Variants in NIN observed in about 807,000 individuals in gnomAD.
NIN encodes glycogen synthase kinase 3 beta-interacting protein.
NIN carries 137 observed loss-of-function variants against 257.6 expected under a neutral mutation model. The ratio of observed to expected loss-of-function variants is 0.53; its 90% CI spans 0.46 to 0.61. The LOEUF (loss-of-function observed/expected upper bound fraction) is 0.61. Ranked by LOEUF, NIN falls within the 20% of genes least tolerant of loss-of-function variation. The pLI is 0.00. For missense variants in NIN, 2,439 were observed against 2,501.2 expected, an observed-to-expected ratio of 0.98 and a Z score of 0.53; for synonymous variants, 918 against 919.8, an observed-to-expected ratio of 1.00 and a Z score of 0.04.
intron 12 of NIN, 94 bp downstream of exon 12, chr14:50,770,294 G>T: frequency 7.8e-7 from 1 of 1,275,846 alleles, no homozygotes; most frequent in Non-Finnish European, 1.1e-6. Flanking sequence ...TTTTTGGACT[G>T]AACCCTGTGC....
intron 24 of NIN, among the ~76,000 whole-genome samples, chr14:50,743,152 T>A (rs2041370235): frequency 6.6e-6 from 1 of 151,404 alleles, no homozygotes; most frequent in African/African-American, 2.4e-5. Context: ...TAATTTTTAG[T>A]AGAGATGAGG....
intron 30 of NIN, among the ~76,000 whole-genome samples, chr14:50,724,827 T>C (rs535031725): frequency 6.6e-6 from 1 of 152,312 alleles, no homozygotes; most frequent in Admixed American, 6.5e-5. Flanking sequence ...ACTCTCAAGA[T>C]GCAGCTTCAG....
In NIN at chr14:50,745,643, T is replaced by C. The variant is rs193138484; in HGVS notation, c.5065-1278A>G. Among the ~76,000 whole-genome samples, 48 of 152,272 alleles carry C rather than the reference T, an allele frequency of 3.2e-4. No homozygotes were observed. The East Asian group carries it at 7.1e-3, about 23-fold the overall frequency. ...CAAATCTGAACAAGTCAGAAGGATA[T>C]AGGAAAATGTATTTTGAAATACCTG... On this transcript the variant is annotated intron_variant, in intron 22 of 30. Coordinates refer to ENST00000530997, the MANE Select transcript of NIN (RefSeq NM_020921.4).
At position 50,723,598 on chromosome 14, in the gene NIN, C is replaced by T. The variant is rs2040311112; in HGVS notation, c.6267G>A (p.Leu2089=). Residue 2089 remains leucine (L), a synonymous_variant, in exon 31 of 31, where the codon CTG becomes CTA. Transcript: ENST00000530997. ...TTTTCTGTCGCTGTTCAGTCACTTCCAGAGCTTTCAACAACTGGGCATTTT... is the reference window on the plus strand; with the variant it reads ...TTTTCTGTCGCTGTTCAGTCACTTCTAGAGCTTTCAACAACTGGGCATTTT... ...YVENAQLLKA[L]EVTEQRQKTA... 5.6e-6 allele frequency: 9 copies of T among 1,613,764 alleles called. No individual in the cohort carries two copies. The Admixed American group carries it at 6.7e-5, about 12-fold the overall frequency.
intron 16 of NIN, 61 bp downstream of exon 16, chr14:50,761,729 C>T: frequency 1.9e-6 from 3 of 1,592,178 alleles, no homozygotes; most frequent in South Asian, 1.1e-5. Flanking sequence ...AAATGCCCTA[C>T]ACACATAAGC....
chr14:50,771,093 C>A (rs2042712720), intron 10 of NIN, 101 bp from the exon 11 acceptor site: 2 of 1,405,564 alleles, frequency 1.4e-6, no homozygotes, highest in Non-Finnish European at 1.9e-6. Flanking sequence ...GAAGCAAAAC[C>A]AAGACAACCA....
chr14:50,785,959 T>C (rs896733970), intron 5 of NIN, among the ~76,000 whole-genome samples: 5 of 152,188 alleles, frequency 3.3e-5, no homozygotes, highest in Admixed American at 6.5e-5. Flanking sequence ...AGAATGCAAA[T>C]CAGTGCCTTT....
intron 4 of NIN, among the ~76,000 whole-genome samples, chr14:50,802,935 C>T (rs942034370): frequency 1.2e-4 from 19 of 152,210 alleles, no homozygotes; most frequent in Non-Finnish European, 4.4e-5. Flanking sequence ...ATTCACGGCC[C>T]TCTTGGTTTC....
At chr14:50,731,256 G>A (rs976346743) in intron 28 of NIN, among the ~76,000 whole-genome samples, 18 of 152,072 alleles carry the variant, frequency 1.2e-4, no homozygotes, top group Non-Finnish European at 1.9e-4. Flanking sequence ...CAGGCCAGGC[G>A]CAGTGGCTCA....
intron 3 of NIN, among the ~76,000 whole-genome samples, chr14:50,820,554 C>T (rs1050046941): frequency 1.3e-5 from 2 of 152,086 alleles, no homozygotes; most frequent in Non-Finnish European, 2.9e-5. Context: ...TTTTTTGCTA[C>T]CCACAGAGTC....
rs2042688597 is a variant in NIN at position 50,770,559 on chromosome 14, T to C, written c.1263A>G (p.Lys421=). The change falls in exon 12 of 31, where the codon AAA becomes AAG. Residue 421 remains lysine (K), a synonymous_variant. Transcript: ENST00000530997. ...TTCGCTCCTTGTACTCTTCATCCAG[T>C]TTCCTGTAACGAAGAAAAATGGACA... ...IERRNEYNLR[K]LDEEYKERIA... 6.2e-7 allele frequency: 1 copy of C among 1,612,610 alleles called. No homozygotes were observed. Among genetic ancestry groups the C allele is most frequent in the African/African-American group, 1.3e-5 (1 of 74,742 alleles).
At chr14:50,775,954 T>A (rs982396144) in intron 7 of NIN, among the ~76,000 whole-genome samples, 11 of 152,194 alleles carry the variant, frequency 7.2e-5, no homozygotes, top group Admixed American at 2.6e-4. Flanking sequence ...ACAAAAAAAA[T>A]TTTCTGTAAG....
chr14:50,797,633 C>T (rs1274349922), intron 4 of NIN, among the ~76,000 whole-genome samples: 2 of 152,136 alleles, frequency 1.3e-5, no homozygotes, highest in Non-Finnish European at 2.9e-5. Flanking sequence ...CTGAATGCAC[C>T]ATCACACAGG....
In NIN at chr14:50,790,615, G is replaced by A. The variant is rs145549630; in HGVS notation, c.435+2097C>T. Reference sequence around the variant, plus strand: ...GAAATCCAGAGAAATGACCCTCTCCGGGCCTCTATTTGCAGTTCTGCTGAT... The same window carrying A: ...GAAATCCAGAGAAATGACCCTCTCCAGGCCTCTATTTGCAGTTCTGCTGAT... On this transcript the variant is annotated intron_variant, in intron 5 of 30. Transcript: ENST00000530997. 5.4e-3 allele frequency among the ~76,000 whole-genome samples: 822 copies of A among 152,232 alleles called. 7 individuals are homozygous for A. Among genetic ancestry groups the A allele is most frequent in the African/African-American group, 0.019 (787 of 41,538 alleles).
At chr14:50,738,589 G>A (rs1162043398) in intron 26 of NIN, among the ~76,000 whole-genome samples, 1 of 152,138 alleles carries the variant, frequency 6.6e-6, no homozygotes, top group Non-Finnish European at 1.5e-5. Flanking sequence ...CAGGCACAGT[G>A]GTCCCAGGCC....
chr14:50,807,466 C>G (rs1321134341), intron 3 of NIN, among the ~76,000 whole-genome samples: 1 of 152,150 alleles, frequency 6.6e-6, no homozygotes, highest in Non-Finnish European at 1.5e-5. Context: ...ATAGTCAGAA[C>G]TAGGATATTA....
At chr14:50,808,325 C>T (rs1419555838) in intron 3 of NIN, among the ~76,000 whole-genome samples, 1 of 152,242 alleles carries the variant, frequency 6.6e-6, no homozygotes, top group Admixed American at 6.5e-5. Flanking sequence ...GCTTCCCAAC[C>T]AGCCAGTTCA....
At chr14:50,760,441 T>G in intron 16 of NIN, 82 bp from the exon 17 acceptor site, 1 of 753,852 alleles carries the variant, frequency 1.3e-6, no homozygotes, top group Non-Finnish European at 1.8e-6. Context: ...CAATTGCTTT[T>G]TTTTTTTTTT....
At position 50,768,281 on chromosome 14, in the gene NIN, C is replaced by G. The variant is rs1013923547; in HGVS notation, c.1435-1391G>C. Among the ~76,000 whole-genome samples, 6 of 152,068 alleles carry G rather than the reference C, an allele frequency of 3.9e-5. No individual in the cohort carries two copies. In the East Asian group the frequency reaches 5.8e-4, roughly 15 times the overall value. ...ACTTAGAGCATTTAAAAAATACTAC[C>G]TTCCCCTAAAATGCCAATTCTGTAA... On this transcript the variant is annotated intron_variant, in intron 12 of 30. Transcript: ENST00000530997.
Sources: allele counts gnomAD v4.1 joint callset (sites outside exome capture counted in the v4.1 genomes callset), GRCh38; gene constraint gnomAD v4.1.1; transcripts MANE v1.5; gene names NCBI Gene and HGNC (gene_info 2026-07-23, HGNC 2026-07-21).